The following TNNI3K variants were observed in gnomAD, a reference collection of about 807,000 sequenced individuals.
The protein encoded by TNNI3K is TNNI3 interacting kinase, also known as serine/threonine-protein kinase TNNI3K.
In TNNI3K, 140 loss-of-function variants were observed where a neutral mutation model predicts 114.5. That is an observed-to-expected ratio of 1.22 (90% confidence interval 1.07 to 1.41). The LOEUF is 1.41. Among genes scored for constraint, TNNI3K ranks in the 40% most tolerant of loss-of-function variants. TNNI3K has a pLI of 0.00. For synonymous variants in TNNI3K, 347 were observed against 347.5 expected (o/e 1.00, Z 0.02); for missense variants, 1,125 against 1,007.6 (o/e 1.12, Z -1.58).
rs143654102 is a variant in TNNI3K at position 74,443,138 on chromosome 1, C to T, written c.2011+3516C>T. On this transcript the variant is annotated intron_variant, in intron 20 of 24. Coordinates refer to ENST00000326637, the MANE Select transcript of TNNI3K (RefSeq NM_015978.3). ...AAGAGAAAACAACCACCAAAGCTAG[C>T]AGAAGAAAAGAAATAACCTACATCA... Among the ~76,000 whole-genome samples, 235 of 151,972 alleles carry T rather than the reference C, an allele frequency of 1.5e-3. 1 individual carries two copies. Among genetic ancestry groups the T allele is most frequent in the African/African-American group, 5.2e-3 (215 of 41,494 alleles).
At chr1:74,443,404 T>C (rs1666472211) in intron 20 of TNNI3K, among the ~76,000 whole-genome samples, 1 of 151,462 alleles carries the variant, frequency 6.6e-6, no homozygotes, top group Admixed American at 6.6e-5. Flanking sequence ...AACTAGACAA[T>C]CTAGAAGAAA....
chr1:74,512,209 A>T (rs1670263553), intron 23 of TNNI3K, among the ~76,000 whole-genome samples: 1 of 152,188 alleles, frequency 6.6e-6, no homozygotes, highest in Non-Finnish European at 1.5e-5. Context: ...AGCTGTGTTT[A>T]CTGTCAGTGA....
chr1:74,306,502 A>G (rs748983639), intron 5 of TNNI3K, among the ~76,000 whole-genome samples: 1 of 152,210 alleles, frequency 6.6e-6, no homozygotes, highest in Admixed American at 6.5e-5. Context: ...CCAACAGTCT[A>G]TAAGTGTTTC....
At chr1:74,501,966 T>A (rs1408363668) in intron 23 of TNNI3K, among the ~76,000 whole-genome samples, 1 of 151,984 alleles carries the variant, frequency 6.6e-6, no homozygotes, top group East Asian at 1.9e-4. Flanking sequence ...TTATGTAGAG[T>A]GAATTTTATT....
chr1:74,303,149 G>A (rs1394593771), intron 5 of TNNI3K, among the ~76,000 whole-genome samples: 1 of 152,058 alleles, frequency 6.6e-6, no homozygotes, highest in African/African-American at 2.4e-5. Flanking sequence ...AACAATGCCT[G>A]GATGACAGCC....
intron 11 of TNNI3K, chr1:74,366,591 T>C (rs1662284937): frequency 6.6e-6 from 1 of 151,980 alleles, no homozygotes; most frequent in Admixed American, 6.6e-5. Flanking sequence ...ACCTGTTTCT[T>C]AAGGCACAGA....
Position 74,436,576 on chromosome 1 carries a change from A to C in TNNI3K, c.1878+50A>C, listed in dbSNP as rs774888679. The C allele has an allele frequency of 2.6e-6, 4 of 1,555,940 alleles. No individual in the cohort carries two copies. In the Admixed American group the frequency reaches 8.7e-5, roughly 34 times the overall value. On this transcript the variant is annotated intron_variant, in intron 19 of 24. Transcript: ENST00000326637. ...TAATTATAAACCAATTAAAATATGT[A>C]AACTCAGCATGAGAGGACGTAAGAT...
intron 17 of TNNI3K, among the ~76,000 whole-genome samples, chr1:74,382,003 C>T (rs1663227354): frequency 6.6e-6 from 1 of 152,194 alleles, no homozygotes; most frequent in Non-Finnish European, 1.5e-5. Context: ...TGTGGTTAGG[C>T]ACCTTTTCTT....
chr1:74,401,253 G>A (rs1664347063), intron 17 of TNNI3K, among the ~76,000 whole-genome samples: 1 of 152,038 alleles, frequency 6.6e-6, no homozygotes, highest in Non-Finnish European at 1.5e-5. Flanking sequence ...TGATTTTCTA[G>A]GTCATGCAAT....
chr1:74,515,445 A>G (rs571497072), intron 23 of TNNI3K, among the ~76,000 whole-genome samples: 4 of 152,310 alleles, frequency 2.6e-5, no homozygotes, highest in Admixed American at 2.0e-4. Context: ...GTGAAATTCT[A>G]ACGTTTTATC....
intron 24 of TNNI3K, among the ~76,000 whole-genome samples, chr1:74,542,365 T>C (rs1646737397): frequency 6.6e-6 from 1 of 152,238 alleles, no homozygotes; most frequent in South Asian, 2.1e-4. Context: ...CATCTACCTA[T>C]GCCTGAAATG....
chr1:74,464,564 A>G (rs1557582412), intron 21 of TNNI3K: 3 of 1,461,994 alleles, frequency 2.1e-6, no homozygotes, highest in South Asian at 2.9e-5. Flanking sequence ...TATCTCACTC[A>G]GGAGAAATAA....
chr1:74,505,927 C>T (rs947941504), intron 23 of TNNI3K, among the ~76,000 whole-genome samples: 4 of 152,144 alleles, frequency 2.6e-5, no homozygotes, highest in Non-Finnish European at 5.9e-5. Flanking sequence ...AAAAAATTTA[C>T]TAGTGGATAT....
chr1:74,450,222 G>C (rs1267580725), intron 20 of TNNI3K, among the ~76,000 whole-genome samples: 1 of 151,274 alleles, frequency 6.6e-6, no homozygotes, highest in Non-Finnish European at 1.5e-5. Context: ...ACAAAGACAC[G>C]ACATACCAGA....
rs1042018405 is a variant in TNNI3K at position 74,353,194 on chromosome 1, T to A, written c.933-72T>A. 4 of 1,506,352 alleles carry A rather than the reference T, an allele frequency of 2.7e-6. No homozygotes were observed. In the African/African-American group the frequency reaches 5.6e-5, roughly 21 times the overall value. 93.3% of individuals were successfully genotyped at this position (1,506,352 alleles called of 1,614,324 possible). ...CTTCAGCATATGATTTTTCGAGGTG[T>A]AGGGGAGAGGGCACAATTTAGTTCA... On this transcript the variant is annotated intron_variant, in intron 9 of 24. Transcript: ENST00000326637.
intron 21 of TNNI3K, among the ~76,000 whole-genome samples, chr1:74,476,086 ACT>A (rs1458261367): frequency 6.6e-6 from 1 of 151,958 alleles, no homozygotes; most frequent in East Asian, 1.9e-4. Context: ...ATGAACTGAA[ACT>A]CATTTAAGAT....
intron 20 of TNNI3K, among the ~76,000 whole-genome samples, chr1:74,459,939 TTAATA>T (rs769733591): frequency 6.6e-6 from 1 of 152,192 alleles, no homozygotes; most frequent in Non-Finnish European, 1.5e-5. Context: ...ATTATGTTGT[TTAATA>T]TGAAAGCCAC....
chr1:74,483,523 CA>C (rs1227415685), intron 21 of TNNI3K: 1 of 527,376 alleles, frequency 1.9e-6, no homozygotes, highest in African/African-American at 1.9e-5. Flanking sequence ...TAAATAACTA[CA>C]TTCCTTAATT....
At chr1:74,258,680 T>C (rs1655479284) in intron 4 of TNNI3K, among the ~76,000 whole-genome samples, 1 of 152,200 alleles carries the variant, frequency 6.6e-6, no homozygotes, top group Non-Finnish European at 1.5e-5. Flanking sequence ...ATTGCCTATA[T>C]AATGACATTC....
Sources: gnomAD v4.1 joint callset for allele counts (sites outside exome capture counted in the v4.1 genomes callset) on GRCh38, gnomAD v4.1.1 for gene constraint, MANE v1.5 for transcripts, NCBI Gene and HGNC (gene_info 2026-07-23, HGNC 2026-07-21) for gene names.